Variants in CTIF observed in about 807,000 individuals in gnomAD.
The protein encoded by CTIF is cap binding complex dependent translation initiation factor, also known as CBP80/20-dependent translation initiation factor.
A neutral mutation model predicts 66.0 loss-of-function variants in CTIF; 21 were observed. That is an observed-to-expected ratio of 0.32 (90% CI 0.23 to 0.46). The LOEUF is 0.46. Ranked by LOEUF, CTIF falls within the 20% of genes least tolerant of loss-of-function variation. The probability of loss-of-function intolerance (pLI) is 1.00; values close to 1 mark genes in which losing one functional copy is unlikely to be tolerated. For missense variants in CTIF, 739 were observed against 812.7 expected (o/e 0.91, Z 1.10); for synonymous variants, 345 against 326.4 (o/e 1.06, Z -0.62).
intron 2 of CTIF, among the ~76,000 whole-genome samples, chr18:48,626,817 G>T (rs867085154): frequency 6.6e-6 from 1 of 151,846 alleles, no homozygotes; most frequent in Non-Finnish European, 1.5e-5. Flanking sequence ...CACCATGCCT[G>T]GCTAATTTTT....
chr18:48,635,331 T>C (rs541272175), intron 2 of CTIF, among the ~76,000 whole-genome samples: 88 of 142,104 alleles, frequency 6.2e-4, no homozygotes, highest in Admixed American at 8.8e-4. Context: ...TTCTTTCTTT[T>C]TTTTTTTTTT....
intron 1 of CTIF, among the ~76,000 whole-genome samples, chr18:48,564,431 C>G (rs905250756): frequency 6.6e-6 from 1 of 152,132 alleles, no homozygotes; most frequent in Admixed American, 6.5e-5. Context: ...TGTGAAGGTC[C>G]CCAAAGCCTG....
At chr18:48,679,630 T>C (rs1002123345) in intron 6 of CTIF, among the ~76,000 whole-genome samples, 2 of 152,352 alleles carry the variant, frequency 1.3e-5, no homozygotes, top group East Asian at 1.9e-4. Flanking sequence ...TTTCCTCTTA[T>C]GTCCTTCCCT....
chr18:48,756,827 A>G (rs1908412691), intron 7 of CTIF, among the ~76,000 whole-genome samples: 1 of 152,130 alleles, frequency 6.6e-6, no homozygotes, highest in Admixed American at 6.5e-5. Context: ...CTGCTGCACA[A>G]CTCACACCTG....
chr18:48,791,724 C>G (rs181147882), intron 9 of CTIF, among the ~76,000 whole-genome samples: 1 of 152,312 alleles, frequency 6.6e-6, no homozygotes, highest in Non-Finnish European at 1.5e-5. Flanking sequence ...GAGTGTCTTC[C>G]CTGAGTCAGC....
At chr18:48,691,529 CTT>C (rs10551701) in intron 6 of CTIF, among the ~76,000 whole-genome samples, 31,766 of 152,134 alleles carry the variant, frequency 0.21, 3,457 homozygotes, top group Middle Eastern at 0.3. Flanking sequence ...CTCAGTGACT[CTT>C]TGCCACCTGC....
intron 1 of CTIF, among the ~76,000 whole-genome samples, chr18:48,600,426 G>T (rs1271468586): frequency 6.6e-6 from 1 of 152,132 alleles, no homozygotes; most frequent in Non-Finnish European, 1.5e-5. Flanking sequence ...GCAAGCAGAT[G>T]TGGCTCTGGG....
Position 48,619,609 on chromosome 18 carries a change from G to A in CTIF, c.44G>A (p.Ser15Asn). 1 of 1,600,982 alleles carries A rather than the reference G, an allele frequency of 6.2e-7. No individual in the cohort carries two copies. The highest frequency in any genetic ancestry group is 8.5e-7 in the Non-Finnish European group (1 of 1,174,082). Residue 15 changes from serine to asparagine, a missense_variant, in exon 2 of 12, where the codon AGC becomes AAC. Around this residue, in one of 2 missense-constraint regions of CTIF, gnomAD observed 529 missense variants for 520.3 expected, o/e 1.02. Transcript: ENST00000256413. ...GCATCAGCCTCCTCGGAGGCAGGGA[G>A]CAGCCGCTCCCAGGAGATCGAGGAG... ...SAASASSEAG[S>N]SRSQEIEELE...
chr18:48,828,054 C>T (rs1233684427), intron 10 of CTIF, among the ~76,000 whole-genome samples: 1 of 142,016 alleles, frequency 7.0e-6, no homozygotes, highest in Non-Finnish European at 1.5e-5. Flanking sequence ...TGTTCTGCTT[C>T]CTTAGCCAGA....
At position 48,761,989 on chromosome 18, in the gene CTIF, AC is replaced by A. The variant is rs1405569825; in HGVS notation, c.1371+302del. 1.3e-5 allele frequency among the ~76,000 whole-genome samples: 2 copies of A among 152,298 alleles called. No individual in the cohort carries two copies. The highest frequency in any genetic ancestry group is 1.5e-5 in the Non-Finnish European group (1 of 68,024). ...CATAAGAGGCTGGCTCTTGGTCTCA[AC>A]CTGGCTATGTGCTTTGACCTCTCTA... On this transcript the variant is annotated intron_variant, in intron 9 of 11. Transcript: ENST00000256413. The surrounding 1 kb of genome is among the most constrained non-coding windows in gnomAD (Gnocchi z 4.2).
In CTIF at chr18:48,721,929, A is replaced by G. The variant is rs115160733; in HGVS notation, c.584+10234A>G. Among the ~76,000 whole-genome samples, 335 of 152,330 alleles carry G rather than the reference A, an allele frequency of 2.2e-3. 1 individual carries two copies. The highest frequency in any genetic ancestry group is 8.0e-3 in the African/African-American group (331 of 41,564). ...TCTGATTTCAGCTCTACAATGTATT[A>G]GAGAGAGTGCGAGGTGAAGATGAAA... On this transcript the variant is annotated intron_variant, in intron 7 of 11. Coordinates refer to ENST00000256413, the MANE Select transcript of CTIF (RefSeq NM_014772.3).
chr18:48,851,730 C>T (rs1168223631), intron 10 of CTIF, among the ~76,000 whole-genome samples: 4 of 152,140 alleles, frequency 2.6e-5, no homozygotes, highest in Admixed American at 6.5e-5. Flanking sequence ...GGCTGCTTCC[C>T]CAGCTGCCCT....
intron 1 of CTIF, among the ~76,000 whole-genome samples, chr18:48,568,642 A>AAAAAAAAAAAAAAAAAAC (rs2089336317): frequency 1.0e-5 from 1 of 100,220 alleles, no homozygotes; most frequent in Admixed American, 1.1e-4. Flanking sequence ...GTAAAAAAAA[A>AAAAAAAAAAAAAAAAAAC]AAAAAAAAAA....
At chr18:48,600,725 G>A (rs1053676851) in intron 1 of CTIF, among the ~76,000 whole-genome samples, 2 of 152,016 alleles carry the variant, frequency 1.3e-5, no homozygotes. Context: ...GGAATGCTGG[G>A]GTTTTTCCTG....
rs10591389 is a variant in CTIF at position 48,852,233 on chromosome 18, T to TAAAAAAAAAA, written c.1528-5335_1528-5326dup. Among the ~76,000 whole-genome samples, 59 of 66,576 alleles carry TAAAAAAAAAA rather than the reference T, an allele frequency of 8.9e-4. 1 individual carries two copies. Among genetic ancestry groups the TAAAAAAAAAA allele is most frequent in the Non-Finnish European group, 9.7e-4 (34 of 35,180 alleles). 43.7% of individuals were successfully genotyped at this position (66,576 alleles called of 152,430 possible). On this transcript the variant is annotated intron_variant, in intron 10 of 11. Coordinates refer to ENST00000256413, the MANE Select transcript of CTIF (RefSeq NM_014772.3). ...TGGGGGACAGAGTGAGACCCTGTCT[T>TAAAAAAAAAA]AAAAAAAAAAAAAAAAAAAAAAAAA...
At chr18:48,833,781 T>C (rs2068747381) in intron 10 of CTIF, among the ~76,000 whole-genome samples, 1 of 152,198 alleles carries the variant, frequency 6.6e-6, no homozygotes, top group Non-Finnish European at 1.5e-5. Context: ...GGCCTCTGGA[T>C]GGGGGGCTTC....
chr18:48,787,222 G>C (rs1447552871), intron 9 of CTIF, among the ~76,000 whole-genome samples: 1 of 151,780 alleles, frequency 6.6e-6, no homozygotes, highest in Non-Finnish European at 1.5e-5. Flanking sequence ...GGGCAAAGGA[G>C]GGGCCCAGCC....
intron 1 of CTIF, among the ~76,000 whole-genome samples, chr18:48,554,062 A>G (rs2088958051): frequency 6.6e-6 from 1 of 152,168 alleles, no homozygotes; most frequent in South Asian, 2.1e-4. Flanking sequence ...CAGTGGGTGA[A>G]GAGGCTGTGC....
In CTIF at chr18:48,587,184, C is replaced by T. The variant is rs957236908; in HGVS notation, c.-28-32354C>T. 2.0e-5 allele frequency among the ~76,000 whole-genome samples: 3 copies of T among 151,398 alleles called. No individual in the cohort carries two copies. In the South Asian group the frequency reaches 6.3e-4, roughly 32 times the overall value. Reference sequence around the variant, plus strand: ...ACAACCTCCACCTCTCAGGTTCAGGCGATTCTCCTGCCTCAGCCTCCTGAG... The same window carrying T: ...ACAACCTCCACCTCTCAGGTTCAGGTGATTCTCCTGCCTCAGCCTCCTGAG... On this transcript the variant is annotated intron_variant, in intron 1 of 11. Coordinates refer to ENST00000256413, the MANE Select transcript of CTIF (RefSeq NM_014772.3).
Sources: gnomAD v4.1 joint callset for allele counts (sites outside exome capture counted in the v4.1 genomes callset) on GRCh38, gnomAD v4.1.1 for gene constraint, gnomAD v4.1.1 regional missense constraint, Gnocchi (gnomAD v3.1) non-coding constraint, MANE v1.5 for transcripts, NCBI Gene and HGNC (gene_info 2026-07-23, HGNC 2026-07-21) for gene names.